Variants in NPAS3 observed in about 807,000 individuals in gnomAD.
The protein encoded by NPAS3 is neuronal PAS domain-containing protein 3.
A neutral mutation model predicts 73.1 loss-of-function variants in NPAS3; 14 were observed. The observed-to-expected ratio is 0.19, with a 90% CI of 0.13 to 0.30. The LOEUF (loss-of-function observed/expected upper bound fraction) is 0.30. Ranked by LOEUF, NPAS3 falls within the 10% of genes least tolerant of loss-of-function variation. The pLI is 1.00. For missense variants in NPAS3, 1,096 were observed against 1,250.0 expected, an observed-to-expected ratio of 0.88 and a Z score of 1.86; for synonymous variants, 620 against 541.5, an observed-to-expected ratio of 1.14 and a Z score of -2.01.
intron 5 of NPAS3, among the ~76,000 whole-genome samples, chr14:33,595,623 A>T (rs2057213620): frequency 6.6e-6 from 1 of 152,244 alleles, no homozygotes; most frequent in African/African-American, 2.4e-5. Context: ...GGAAAAGGTA[A>T]GGAGGGAAAA....
intron 3 of NPAS3, among the ~76,000 whole-genome samples, chr14:33,353,260 AT>A (rs1370110869): frequency 6.6e-6 from 1 of 152,054 alleles, no homozygotes; most frequent in Non-Finnish European, 1.5e-5. Flanking sequence ...TAAATAATGC[AT>A]TTTAGTTTCC....
intron 3 of NPAS3, among the ~76,000 whole-genome samples, chr14:33,229,505 A>G (rs1256640127): frequency 6.6e-6 from 1 of 152,204 alleles, no homozygotes; most frequent in Admixed American, 6.5e-5. Flanking sequence ...GCTCACATGC[A>G]TCTCACTTAA....
intron 5 of NPAS3, among the ~76,000 whole-genome samples, chr14:33,645,458 A>G (rs1254896736): frequency 2.0e-5 from 3 of 152,254 alleles, no homozygotes; most frequent in Non-Finnish European, 2.9e-5. Context: ...ATTTTAGAGC[A>G]TAATAAGAAT....
At chr14:33,676,771 G>GAGAATTAAAAGTATC (rs1401519454) in intron 6 of NPAS3, among the ~76,000 whole-genome samples, 1 of 152,192 alleles carries the variant, frequency 6.6e-6, no homozygotes, top group Non-Finnish European at 1.5e-5. Context: ...GTAGCTCGTG[G>GAGAATTAAAAGTATC]AGAATTAAAA....
chr14:33,336,976 C>T (rs1343849793), intron 3 of NPAS3, among the ~76,000 whole-genome samples: 1 of 152,158 alleles, frequency 6.6e-6, no homozygotes, highest in Non-Finnish European at 1.5e-5. Context: ...ATACTATGGA[C>T]TCAAATCTTT....
chr14:33,734,662 T>G (rs182742713), intron 6 of NPAS3, among the ~76,000 whole-genome samples: 268 of 152,276 alleles, frequency 1.8e-3, no homozygotes, highest in African/African-American at 6.2e-3. Context: ...CATGTCTTAT[T>G]TATGCTTCTT....
chr14:33,765,607 C>G (rs1390286300), intron 7 of NPAS3, among the ~76,000 whole-genome samples: 2 of 152,206 alleles, frequency 1.3e-5, no homozygotes, highest in Non-Finnish European at 2.9e-5. Context: ...CACTGATCCT[C>G]CATTTTCAAA....
At chr14:33,190,803 T>C (rs2046143967) in intron 2 of NPAS3, among the ~76,000 whole-genome samples, 1 of 152,204 alleles carries the variant, frequency 6.6e-6, no homozygotes, top group Admixed American at 6.5e-5. Flanking sequence ...TGCTGTCCTT[T>C]AGCGCCCATC....
chr14:33,532,977 A>C (rs191902238), intron 4 of NPAS3, among the ~76,000 whole-genome samples: 7 of 152,234 alleles, frequency 4.6e-5, no homozygotes, highest in African/African-American at 1.7e-4. Context: ...GTTGTTTTCA[A>C]ACAGAACCTC....
At chr14:33,522,909 C>T (rs1320988884) in intron 4 of NPAS3, among the ~76,000 whole-genome samples, 1 of 152,104 alleles carries the variant, frequency 6.6e-6, no homozygotes, top group Non-Finnish European at 1.5e-5. Context: ...GAATGTTTTA[C>T]ATTCATATAT....
intron 2 of NPAS3, among the ~76,000 whole-genome samples, chr14:33,142,002 A>G (rs2044064442): frequency 6.6e-6 from 1 of 152,062 alleles, no homozygotes; most frequent in Non-Finnish European, 1.5e-5. Flanking sequence ...TTAATATTAA[A>G]CAATTTATTT....
intron 5 of NPAS3, among the ~76,000 whole-genome samples, chr14:33,650,136 C>A (rs1000898197): frequency 6.6e-6 from 1 of 152,162 alleles, no homozygotes; most frequent in South Asian, 2.1e-4. Flanking sequence ...ACAGGCAATA[C>A]TCAGACCTCA....
intron 2 of NPAS3, among the ~76,000 whole-genome samples, chr14:33,059,528 T>G (rs868004658): frequency 8.5e-5 from 13 of 152,326 alleles, no homozygotes; most frequent in African/African-American, 3.1e-4. Flanking sequence ...TTTTACAAAT[T>G]GTATCATTTT....
intron 7 of NPAS3, among the ~76,000 whole-genome samples, chr14:33,761,047 C>T (rs985698011): frequency 6.6e-6 from 1 of 152,150 alleles, no homozygotes; most frequent in Non-Finnish European, 1.5e-5. Context: ...GATAGAGCTA[C>T]CAAGAACTAC....
At chr14:33,249,105 A>G (rs558524001) in intron 3 of NPAS3, among the ~76,000 whole-genome samples, 16 of 152,302 alleles carry the variant, frequency 1.1e-4, no homozygotes, top group South Asian at 6.2e-4. Context: ...GAAATAAGTT[A>G]AATAAAAATT....
chr14:33,326,836 A>G (rs2043731031), intron 3 of NPAS3, among the ~76,000 whole-genome samples: 1 of 152,202 alleles, frequency 6.6e-6, no homozygotes, highest in Admixed American at 6.5e-5. Context: ...CTTGCAAAGA[A>G]ATGTCGGTAG....
At chr14:33,200,173 G>A (rs536736849) in intron 2 of NPAS3, among the ~76,000 whole-genome samples, 1 of 151,342 alleles carries the variant, frequency 6.6e-6, no homozygotes, top group South Asian at 2.1e-4. Context: ...TATGTATTAG[G>A]TTGGTGCAAA....
At chr14:33,387,844 A>C (rs1354889052) in intron 4 of NPAS3, among the ~76,000 whole-genome samples, 1 of 151,570 alleles carries the variant, frequency 6.6e-6, no homozygotes, top group Non-Finnish European at 1.5e-5. Context: ...TGCTGCAAAT[A>C]CCAACAAATA....
chr14:33,131,729 AT>A (rs2043643167), intron 2 of NPAS3, among the ~76,000 whole-genome samples: 1 of 152,146 alleles, frequency 6.6e-6, no homozygotes. Context: ...GTCTGCCAAT[AT>A]TTGATAAATG....
Sources: gnomAD v4.1 joint callset for allele counts (sites outside exome capture counted in the v4.1 genomes callset) on GRCh38, gnomAD v4.1.1 for gene constraint, MANE v1.5 for transcripts, NCBI Gene and HGNC (gene_info 2026-07-23, HGNC 2026-07-21) for gene names.